Variants in MEGF10 observed in about 807,000 individuals in gnomAD.
MEGF10 encodes multiple EGF like domains 10, also known as multiple epidermal growth factor-like domains protein 10.
A neutral mutation model predicts 147.5 loss-of-function variants in MEGF10; 86 were observed. That is an observed-to-expected ratio of 0.58 (90% confidence interval 0.49 to 0.70). The LOEUF (loss-of-function observed/expected upper bound fraction) is 0.70, where lower values mean the gene tolerates loss of function less well. MEGF10 is among the 30% of genes least tolerant of loss of function. MEGF10 has a pLI of 0.00. For missense variants in MEGF10, 1,329 were observed against 1,487.3 expected, an observed-to-expected ratio of 0.89 and a Z score of 1.75; for synonymous variants, 478 against 525.5, an observed-to-expected ratio of 0.91 and a Z score of 1.24.
At chr5:127,409,787 G>A (rs1330489793) in intron 8 of MEGF10, 4 of 153,550 alleles carry the variant, frequency 2.6e-5, no homozygotes, top group Non-Finnish European at 5.8e-5. Flanking sequence ...AATCGAGGAC[G>A]TCTGATTTTG....
At chr5:127,355,461 CT>C (rs1349162876) in intron 4 of MEGF10, among the ~76,000 whole-genome samples, 1 of 152,140 alleles carries the variant, frequency 6.6e-6, no homozygotes, top group Non-Finnish European at 1.5e-5. Flanking sequence ...CCATGATGCC[CT>C]CCCTGCCACC....
chr5:127,244,088 T>C, the MEGF10 span, among the ~76,000 whole-genome samples: 1 of 146,468 alleles, frequency 6.8e-6, no homozygotes, highest in South Asian at 2.1e-4. Flanking sequence ...CCCAACTACC[T>C]GGGAGGCTGA....
chr5:127,346,590 C>T (rs1288756585), intron 4 of MEGF10, among the ~76,000 whole-genome samples: 2 of 152,016 alleles, frequency 1.3e-5, no homozygotes, highest in Non-Finnish European at 2.9e-5. Context: ...TGTTTGAGCT[C>T]CTCGTAGATT....
intron 8 of MEGF10, among the ~76,000 whole-genome samples, chr5:127,403,168 C>T (rs768185944): frequency 4.6e-5 from 7 of 152,168 alleles, no homozygotes; most frequent in African/African-American, 9.7e-5. Flanking sequence ...TGGTCCCACA[C>T]GAAACAGAAA....
chr5:127,428,796 G>C (rs1170023120), intron 13 of MEGF10, among the ~76,000 whole-genome samples: 2 of 152,210 alleles, frequency 1.3e-5, no homozygotes, highest in South Asian at 2.1e-4. Flanking sequence ...ATATCTATGA[G>C]AGGGGAAAGA....
intron 6 of MEGF10, among the ~76,000 whole-genome samples, chr5:127,397,592 A>G (rs1006361427): frequency 1.3e-5 from 2 of 152,248 alleles, no homozygotes; most frequent in African/African-American, 4.8e-5. Flanking sequence ...CTGATTAGGT[A>G]AACACTTCCT....
the MEGF10 span, among the ~76,000 whole-genome samples, chr5:127,267,581 T>C: frequency 1.3e-5 from 2 of 152,216 alleles, no homozygotes; most frequent in Admixed American, 6.5e-5. Flanking sequence ...AGGCTATTAA[T>C]TATTGCCTCA....
the MEGF10 span, among the ~76,000 whole-genome samples, chr5:127,239,408 C>T: frequency 6.9e-6 from 1 of 144,644 alleles, no homozygotes; most frequent in Admixed American, 7.0e-5. Context: ...CACACACACA[C>T]ACACACACGG....
chr5:127,408,179 CAGA>C (rs1764405597), intron 8 of MEGF10, among the ~76,000 whole-genome samples: 3 of 152,160 alleles, frequency 2.0e-5, no homozygotes, highest in Non-Finnish European at 2.9e-5. Flanking sequence ...AATTTGGTAA[CAGA>C]TAATTTCCCA....
chr5:127,446,733 G>A (rs1202619501), intron 20 of MEGF10, among the ~76,000 whole-genome samples: 1 of 152,192 alleles, frequency 6.6e-6, no homozygotes, highest in Admixed American at 6.5e-5. Flanking sequence ...GAAAGTGAAG[G>A]ATTGAAACTG....
At chr5:127,426,442 A>C (rs555456372) in intron 13 of MEGF10, among the ~76,000 whole-genome samples, 1 of 152,270 alleles carries the variant, frequency 6.6e-6, no homozygotes, top group South Asian at 2.1e-4. Context: ...ATTTATTGTC[A>C]TTTTTAGCCA....
chr5:127,416,592 G>A (rs527952584), intron 9 of MEGF10, among the ~76,000 whole-genome samples: 1 of 152,198 alleles, frequency 6.6e-6, no homozygotes, highest in African/African-American at 2.4e-5. Context: ...TGAACACTAA[G>A]GTGCAGCAGG....
chr5:127,299,715 T>C (rs771284982), intron 1 of MEGF10, among the ~76,000 whole-genome samples: 5 of 150,946 alleles, frequency 3.3e-5, no homozygotes, highest in Non-Finnish European at 7.4e-5. Flanking sequence ...TGTGGATACT[T>C]GTAGGTGGCT....
chr5:127,340,713 G>A, intron 4 of MEGF10, 83 bp downstream of exon 4: 1 of 1,110,600 alleles, frequency 9.0e-7, no homozygotes, highest in Non-Finnish European at 1.4e-6. Flanking sequence ...TGAGACAGAG[G>A]TCTGGGGAGA....
chr5:127,367,570 A>G (rs1042527536), intron 4 of MEGF10, among the ~76,000 whole-genome samples: 2 of 152,200 alleles, frequency 1.3e-5, no homozygotes, highest in African/African-American at 4.8e-5. Flanking sequence ...CTGAAATTCA[A>G]GAATATGGAG....
intron 19 of MEGF10, 84 bp from the exon 20 acceptor site, chr5:127,445,373 C>A: frequency 3.1e-6 from 3 of 978,700 alleles, no homozygotes; most frequent in South Asian, 2.8e-5. Flanking sequence ...CAGGCATTAG[C>A]ACAGAAGGAG....
chr5:127,420,751 A>G (rs1764965974), intron 12 of MEGF10, among the ~76,000 whole-genome samples: 1 of 152,214 alleles, frequency 6.6e-6, no homozygotes, highest in African/African-American at 2.4e-5. Flanking sequence ...TTGGAGATAC[A>G]GGTCATTAGA....
chr5:127,327,312 T>C (rs1761077111), intron 1 of MEGF10, among the ~76,000 whole-genome samples: 1 of 152,222 alleles, frequency 6.6e-6, no homozygotes, highest in African/African-American at 2.4e-5. Context: ...TTTTAAATTT[T>C]GTTAAACGGA....
At chr5:127,263,330 T>C in the MEGF10 span, among the ~76,000 whole-genome samples, 1 of 150,946 alleles carries the variant, frequency 6.6e-6, no homozygotes, top group Admixed American at 6.6e-5. Context: ...AAATTATAGA[T>C]AAGAAGCTAA....
Sources: allele counts gnomAD v4.1 joint callset (sites outside exome capture counted in the v4.1 genomes callset), GRCh38; gene constraint gnomAD v4.1.1; transcripts MANE v1.5; gene names NCBI Gene and HGNC (gene_info 2026-07-23, HGNC 2026-07-21).